The following VPS13A variants were observed in gnomAD, a reference collection of about 807,000 sequenced individuals.
VPS13A encodes intermembrane lipid transfer protein VPS13A.
VPS13A carries 264 observed loss-of-function variants against 390.9 expected under a neutral mutation model. The ratio of observed to expected loss-of-function variants is 0.68; its 90% CI spans 0.61 to 0.75. The LOEUF (loss-of-function observed/expected upper bound fraction) is 0.75. Among genes scored for constraint, VPS13A ranks in the 30% least tolerant of loss-of-function variants. The pLI is 0.00. For missense variants in VPS13A, 3,409 were observed against 3,733.9 expected (o/e 0.91, Z 2.27); for synonymous variants, 1,231 against 1,227.1 (o/e 1.00, Z -0.07).
At chr9:77,331,217 C>T (rs1448301634) in intron 45 of VPS13A, among the ~76,000 whole-genome samples, 1 of 151,920 alleles carries the variant, frequency 6.6e-6, no homozygotes, top group Non-Finnish European at 1.5e-5. Flanking sequence ...CATGTGTAAA[C>T]ATTTCTCTAG....
intron 34 of VPS13A, 132 bp from the exon 35 acceptor site, chr9:77,307,813 G>A (rs1828848879): frequency 2.7e-6 from 2 of 746,390 alleles, no homozygotes; most frequent in East Asian, 5.4e-5. Context: ...TATTCAGTTT[G>A]TAAAAATGTT....
chr9:77,253,875 A>C (rs1041938323), intron 22 of VPS13A, among the ~76,000 whole-genome samples: 1 of 146,122 alleles, frequency 6.8e-6, no homozygotes, highest in East Asian at 2.0e-4. Context: ...TTTTATTTAG[A>C]TCTTTGATCC....
Position 77,357,702 on chromosome 9 carries a change from C to T in VPS13A, c.7817C>T (p.Thr2606Ile), listed in dbSNP as rs1394596891. Residue 2606 changes from threonine to isoleucine, a missense_variant, in exon 56 of 72, where the codon ACC (threonine) becomes ATC (isoleucine). Coordinates refer to ENST00000360280, the MANE Select transcript of VPS13A (RefSeq NM_033305.3). The stretch of plus-strand genomic sequence containing the variant: ...GGACATATTTTTCAGGTTCGCCTAA[C>T]CCCTACTGGTCATAACATGAAAATT... The part of the protein sequence containing the change: ...QLDTNVPVRL[T>I]PTGHNMKILQ... 8.1e-6 allele frequency: 13 copies of T among 1,613,788 alleles called. No individual in the cohort carries two copies. Among genetic ancestry groups the T allele is most frequent in the Non-Finnish European group, 2.5e-6 (3 of 1,179,974 alleles).
chr9:77,282,737 C>A (rs751337942), intron 29 of VPS13A, among the ~76,000 whole-genome samples: 6 of 151,910 alleles, frequency 3.9e-5, no homozygotes, highest in Non-Finnish European at 8.8e-5. Flanking sequence ...CACTTGAGGC[C>A]AGGAGTTCAA....
At chr9:77,193,601 T>C (rs1646901497) in intron 1 of VPS13A, among the ~76,000 whole-genome samples, 1 of 152,136 alleles carries the variant, frequency 6.6e-6, no homozygotes, top group African/African-American at 2.4e-5. Context: ...GCCACTGCAC[T>C]CCAGCCTGGG....
intron 17 of VPS13A, among the ~76,000 whole-genome samples, chr9:77,232,323 A>G (rs1477893115): frequency 6.6e-6 from 1 of 152,146 alleles, no homozygotes. Flanking sequence ...TTTGATAGGG[A>G]TTGCATTCAG....
intron 67 of VPS13A, among the ~76,000 whole-genome samples, chr9:77,373,785 T>C (rs1832922455): frequency 6.6e-6 from 1 of 151,142 alleles, no homozygotes; most frequent in South Asian, 2.1e-4. Context: ...CAAACAAATT[T>C]ACAAGAAAAA....
At chr9:77,372,101 G>A (rs1236747113) in intron 67 of VPS13A, among the ~76,000 whole-genome samples, 21 of 150,524 alleles carry the variant, frequency 1.4e-4, no homozygotes, top group East Asian at 9.8e-4. Context: ...GAATAATGCC[G>A]CAATAAACAT....
intron 20 of VPS13A, among the ~76,000 whole-genome samples, chr9:77,249,194 C>G (rs991004925): frequency 2.0e-5 from 3 of 152,168 alleles, no homozygotes; most frequent in Admixed American, 1.3e-4. Context: ...AACAAAAATA[C>G]GTGCCTGTCC....
At chr9:77,218,916 C>T (rs1823021363) in intron 10 of VPS13A, among the ~76,000 whole-genome samples, 1 of 152,084 alleles carries the variant, frequency 6.6e-6, no homozygotes, top group Non-Finnish European at 1.5e-5. Context: ...TATGTTTTTA[C>T]CCCCGGCCGT....
At position 77,420,094 on chromosome 9, in the gene VPS13A, CCCT is replaced by C. The variant is rs1433972473; in HGVS notation, c.*4092_*4094del. On this transcript the variant is annotated 3_prime_UTR_variant, in exon 72 of 72. Coordinates refer to ENST00000360280, the MANE Select transcript of VPS13A (RefSeq NM_033305.3). Reference sequence around the variant, plus strand: ...GCAACTCTAAAAGGAAACCCATTCACCCTCCTTAGTCCTTTGAAGTATACTTTT... The same window carrying C: ...GCAACTCTAAAAGGAAACCCATTCACCCTTAGTCCTTTGAAGTATACTTTT... 1.3e-5 allele frequency: 2 copies of C among 152,056 alleles called. No homozygotes were observed. Among genetic ancestry groups the C allele is most frequent in the African/African-American group, 2.4e-5 (1 of 41,390 alleles). 9.4% of individuals were successfully genotyped at this position (152,056 alleles called of 1,614,324 possible). A position where few individuals can be genotyped will look rare whatever the true frequency, so the allele number is the denominator to read the frequency against.
At chr9:77,409,079 G>A (rs1834775255) in intron 71 of VPS13A, among the ~76,000 whole-genome samples, 1 of 152,174 alleles carries the variant, frequency 6.6e-6, no homozygotes, top group South Asian at 2.1e-4. Flanking sequence ...ACACGGCCAG[G>A]TACTCCTCTG....
chr9:77,329,388 C>G (rs887843056), intron 45 of VPS13A, among the ~76,000 whole-genome samples: 1 of 152,180 alleles, frequency 6.6e-6, no homozygotes, highest in Admixed American at 6.5e-5. Context: ...TTAATCATTT[C>G]TAGCTTTTGC....
At chr9:77,185,922 T>C (rs1225570042) in intron 1 of VPS13A, among the ~76,000 whole-genome samples, 1 of 152,050 alleles carries the variant, frequency 6.6e-6, no homozygotes, top group Non-Finnish European at 1.5e-5. Context: ...AGGTTAAGAG[T>C]ACGAGACCTG....
intron 23 of VPS13A, among the ~76,000 whole-genome samples, chr9:77,265,173 T>G (rs1374302391): frequency 6.6e-6 from 1 of 152,218 alleles, no homozygotes; most frequent in Admixed American, 6.5e-5. Context: ...ATAAGCTTTT[T>G]GATGTGCTGC....
chr9:77,273,841 T>G lies in VPS13A; in HGVS notation c.2512+477T>G, dbSNP rs568625984. Among the ~76,000 whole-genome samples the G allele has an allele frequency of 3.9e-5, 6 of 152,266 alleles. No individual in the cohort carries two copies. The East Asian group carries it at 1.2e-3, about 29-fold the overall frequency. ...CAGAAAGGAAGATACCTTTACAAGG[T>G]AGATTTCTCTTATAAATGTTAATTT... On this transcript the variant is annotated intron_variant, in intron 24 of 71. Transcript: ENST00000360280.
At chr9:77,228,888 A>G (rs148279476) in intron 17 of VPS13A, among the ~76,000 whole-genome samples, 1 of 152,208 alleles carries the variant, frequency 6.6e-6, no homozygotes, top group African/African-American at 2.4e-5. Context: ...GCTAAAAACC[A>G]TCAGATCTCA....
In VPS13A at chr9:77,340,212, A is replaced by T. The variant is rs753293885; in HGVS notation, c.6809A>T (p.Asn2270Ile). The T allele has an allele frequency of 1.2e-6, 2 of 1,613,326 alleles. No individual in the cohort carries two copies. Among genetic ancestry groups the T allele is most frequent in the Admixed American group, 3.3e-5 (2 of 60,008 alleles). The change falls in exon 49 of 72, where the codon AAT (asparagine) becomes ATT (isoleucine). Residue 2270 changes from asparagine to isoleucine, a missense_variant. Asn to Ile is a moderately radical substitution (Grantham distance 149). Transcript: ENST00000360280. The stretch of plus-strand genomic sequence containing the variant: ...ATGGTAACTGATAGTGAGTTGTCCA[A>T]TCAGTTTTCAATTGATACTGTTGGT... ...QLMVTDSELS[N>I]QFSIDTVGSH... is the part of the protein sequence containing the mutation.
intron 7 of VPS13A, among the ~76,000 whole-genome samples, chr9:77,212,298 CT>C (rs1351285816): frequency 5.3e-5 from 8 of 152,114 alleles, no homozygotes; most frequent in African/African-American, 1.9e-4. Flanking sequence ...TTATATTCTC[CT>C]GCATACTGAG....
Sources: allele counts gnomAD v4.1 joint callset (sites outside exome capture counted in the v4.1 genomes callset), GRCh38; gene constraint gnomAD v4.1.1; transcripts MANE v1.5; gene names NCBI Gene and HGNC (gene_info 2026-07-23, HGNC 2026-07-21).